The following SETBP1 variants were observed in gnomAD, a reference collection of about 807,000 sequenced individuals.
The protein encoded by SETBP1 is SET binding protein 1.
In SETBP1, 9 loss-of-function variants were observed where a neutral mutation model predicts 101.0. That is an observed-to-expected ratio of 0.09 (90% CI 0.05 to 0.16). The LOEUF (loss-of-function observed/expected upper bound fraction) is 0.16. Among genes scored for constraint, SETBP1 ranks in the 10% least tolerant of loss-of-function variants. The pLI, the probability that SETBP1 is intolerant of heterozygous loss-of-function variation, is 1.00. For missense variants in SETBP1, 1,858 were observed against 2,033.8 expected (o/e 0.91, Z 1.66); for synonymous variants, 818 against 788.5 (o/e 1.04, Z -0.63).
Position 44,885,320 on chromosome 18 carries a change from A to T in SETBP1, c.540+16037A>T, listed in dbSNP as rs534405865. ...TGGCAAAGGCAGAGTTAAAGAAAAA[A>T]CAACATTGAATATTATCAATATTCT... On this transcript the variant is annotated intron_variant, in intron 3 of 5. Coordinates refer to ENST00000649279, the MANE Select transcript of SETBP1 (RefSeq NM_015559.3). Among the ~76,000 whole-genome samples, 9 of 152,328 alleles carry T rather than the reference A, an allele frequency of 5.9e-5. No homozygotes were observed. In the East Asian group the frequency reaches 1.7e-3, roughly 29 times the overall value.
chr18:44,915,139 C>T (rs763435810), intron 3 of SETBP1, among the ~76,000 whole-genome samples: 16 of 152,090 alleles, frequency 1.1e-4, no homozygotes, highest in Non-Finnish European at 2.2e-4. Flanking sequence ...TCAAAGATCC[C>T]TAATATAATA....
intron 4 of SETBP1, among the ~76,000 whole-genome samples, chr18:44,993,017 A>C (rs976540143): frequency 2.0e-5 from 3 of 152,096 alleles, no homozygotes; most frequent in Non-Finnish European, 4.4e-5. Context: ...AAAATAGATA[A>C]ATACAATTCC....
intron 2 of SETBP1, among the ~76,000 whole-genome samples, chr18:44,840,028 T>A (rs951918909): frequency 7.2e-5 from 11 of 152,220 alleles, no homozygotes; most frequent in African/African-American, 2.7e-4. Context: ...ATTTGACTTA[T>A]GCATTTAGTG....
At chr18:44,923,808 G>T (rs2070635259) in intron 3 of SETBP1, among the ~76,000 whole-genome samples, 2 of 152,158 alleles carry the variant, frequency 1.3e-5, no homozygotes, top group Non-Finnish European at 1.5e-5. Flanking sequence ...GCAGTACATT[G>T]AAACCCACAA....
intron 2 of SETBP1, among the ~76,000 whole-genome samples, chr18:44,758,205 T>C: frequency 6.6e-6 from 1 of 152,274 alleles, no homozygotes; most frequent in African/African-American, 2.4e-5. Context: ...CCAGAGCTCA[T>C]AGACTGAGAG....
At chr18:44,767,777 G>A (rs977058982) in intron 2 of SETBP1, among the ~76,000 whole-genome samples, 5 of 152,126 alleles carry the variant, frequency 3.3e-5, no homozygotes, top group African/African-American at 7.2e-5. Context: ...TATTTACAGC[G>A]TAGATATTAA....
At chr18:45,052,671 C>G (rs1260890865) in intron 5 of SETBP1, among the ~76,000 whole-genome samples, 1 of 152,158 alleles carries the variant, frequency 6.6e-6, no homozygotes, top group Non-Finnish European at 1.5e-5. Context: ...ACTAACCAGA[C>G]AGACAGGAGA....
intron 5 of SETBP1, among the ~76,000 whole-genome samples, chr18:45,046,260 G>A (rs1467346202): frequency 6.6e-6 from 1 of 152,144 alleles, no homozygotes; most frequent in Non-Finnish European, 1.5e-5. Flanking sequence ...GCACAAACGT[G>A]TTTGGTTCAT....
At chr18:44,970,114 T>C (rs922549294) in intron 4 of SETBP1, 1 of 154,798 alleles carries the variant, frequency 6.5e-6, no homozygotes, top group Non-Finnish European at 1.5e-5. Context: ...TGAGCACTCA[T>C]ATAACGTCCT....
At chr18:44,856,055 G>GT (rs748514500) in intron 2 of SETBP1, among the ~76,000 whole-genome samples, 21,860 of 132,928 alleles carry the variant, frequency 0.16, 1,823 homozygotes, top group African/African-American at 0.25. Flanking sequence ...AATCCATCTT[G>GT]TTTTTTTTTT....
At chr18:45,050,294 G>A (rs1008289981) in intron 5 of SETBP1, among the ~76,000 whole-genome samples, 2 of 152,230 alleles carry the variant, frequency 1.3e-5, no homozygotes, top group African/African-American at 4.8e-5. Flanking sequence ...GTGAGTTTGT[G>A]AATGGTTGAA....
At chr18:44,766,830 T>A (rs1209443340) in intron 2 of SETBP1, among the ~76,000 whole-genome samples, 3 of 152,188 alleles carry the variant, frequency 2.0e-5, no homozygotes, top group Non-Finnish European at 4.4e-5. Context: ...ATTAAGATGA[T>A]AAATTTTATC....
At chr18:44,741,418 T>C (rs978507422) in intron 2 of SETBP1, among the ~76,000 whole-genome samples, 1 of 152,176 alleles carries the variant, frequency 6.6e-6, no homozygotes, top group Non-Finnish European at 1.5e-5. Flanking sequence ...AAAATACAAC[T>C]AGAGTCCTAA....
chr18:44,726,003 G>T (rs2069699904), intron 2 of SETBP1, among the ~76,000 whole-genome samples: 1 of 152,130 alleles, frequency 6.6e-6, no homozygotes, highest in Admixed American at 6.5e-5. Flanking sequence ...GCTCTCTGGT[G>T]GCCTGGATGG....
At position 44,844,663 on chromosome 18, in the gene SETBP1, C is replaced by A. The variant is rs151309172; in HGVS notation, c.487-24567C>A. Among the ~76,000 whole-genome samples, 825 of 152,244 alleles carry A rather than the reference C, an allele frequency of 5.4e-3. 5 individuals carry two copies. The highest frequency in any genetic ancestry group is 0.019 in the African/African-American group (788 of 41,550). On this transcript the variant is annotated intron_variant, in intron 2 of 5. Coordinates refer to ENST00000649279, the MANE Select transcript of SETBP1 (RefSeq NM_015559.3). Reference sequence around the variant, plus strand: ...GAAATCATGGGATTTTTCCTGCAGGCTCTTACCAACAAGCGGGAGGGGCAG... The same window carrying A: ...GAAATCATGGGATTTTTCCTGCAGGATCTTACCAACAAGCGGGAGGGGCAG...
At chr18:44,928,910 G>T (rs192091366) in intron 3 of SETBP1, among the ~76,000 whole-genome samples, 2,736 of 152,150 alleles carry the variant, frequency 0.018, 82 homozygotes, top group African/African-American at 0.062. Flanking sequence ...AGTTTCTTTT[G>T]CTGTGCAGAA....
chr18:44,753,599 G>A (rs1440348139), intron 2 of SETBP1, among the ~76,000 whole-genome samples: 1 of 152,226 alleles, frequency 6.6e-6, no homozygotes, highest in Non-Finnish European at 1.5e-5. Context: ...GGGCATATGG[G>A]CATTGGCCAC....
chr18:44,771,401 G>T (rs2070868980), intron 2 of SETBP1, among the ~76,000 whole-genome samples: 1 of 151,392 alleles, frequency 6.6e-6, no homozygotes, highest in Non-Finnish European at 1.5e-5. Flanking sequence ...AGTTTCTGAG[G>T]GTGAAACTGT....
intron 4 of SETBP1, among the ~76,000 whole-genome samples, chr18:44,984,958 T>C (rs1043693681): frequency 1.3e-5 from 2 of 152,242 alleles, no homozygotes; most frequent in African/African-American, 4.8e-5. Context: ...CCGGCCAACA[T>C]GGTGAAACCC....
Sources: allele counts gnomAD v4.1 joint callset (sites outside exome capture counted in the v4.1 genomes callset), GRCh38; gene constraint gnomAD v4.1.1; transcripts MANE v1.5; gene names NCBI Gene and HGNC (gene_info 2026-07-23, HGNC 2026-07-21).